TRIM24: variants seen among roughly 807,000 people sequenced by gnomAD.
The protein encoded by TRIM24 is transcription intermediary factor 1-alpha.
In TRIM24, 29 loss-of-function variants were observed where a neutral mutation model predicts 123.9. The ratio of observed to expected loss-of-function variants is 0.23; its 90% CI spans 0.17 to 0.32. The LOEUF is 0.32. TRIM24 is among the 10% of genes least tolerant of loss of function. The pLI, the probability that TRIM24 is intolerant of heterozygous loss-of-function variation, is 1.00. For synonymous variants in TRIM24, 456 were observed against 461.1 expected (o/e 0.99, Z 0.14); for missense variants, 932 against 1,295.3 (o/e 0.72, Z 4.31).
chr7:138,548,968 AG>A lies in TRIM24; in HGVS notation c.1144-2093del, dbSNP rs570229396. Reference sequence around the variant, plus strand: ...TGCTTTTTCTGAGACTATCTCTTGAAGGACTTGGCTGAGGCGGTCACTTTTT... The same window carrying A: ...TGCTTTTTCTGAGACTATCTCTTGAAGACTTGGCTGAGGCGGTCACTTTTT... On this transcript the variant is annotated intron_variant, in intron 7 of 18. Coordinates refer to ENST00000343526, the MANE Select transcript of TRIM24 (RefSeq NM_015905.3). Among the ~76,000 whole-genome samples the A allele has an allele frequency of 7.7e-3, 1,168 of 152,318 alleles. 15 individuals are homozygous for A. The highest frequency in any genetic ancestry group is 0.027 in the African/African-American group (1,120 of 41,572).
At chr7:138,505,509 G>GGTGGTT (rs1554436147) in intron 2 of TRIM24, among the ~76,000 whole-genome samples, 3 of 143,820 alleles carry the variant, frequency 2.1e-5, no homozygotes, top group Non-Finnish European at 4.5e-5. Context: ...TGGGGGTGGT[G>GGTGGTT]GTTGTTGTTG....
At chr7:138,491,232 G>A (rs1795773677) in intron 1 of TRIM24, 1 of 240,518 alleles carries the variant, frequency 4.2e-6, no homozygotes, top group African/African-American at 2.3e-5. Context: ...TTGGTGATTA[G>A]TGTCTTTCTG....
At chr7:138,571,765 C>T (rs12532696) in intron 11 of TRIM24, among the ~76,000 whole-genome samples, 1,700 of 152,184 alleles carry the variant, frequency 0.011, 35 homozygotes, top group Admixed American at 0.041. Context: ...ATGGGGGAGA[C>T]GCCCTATGTT....
chr7:138,551,046 T>G lies in TRIM24; in HGVS notation c.1144-17T>G. 6.2e-7 allele frequency: 1 copy of G among 1,602,918 alleles called. No individual in the cohort carries two copies. Among genetic ancestry groups the G allele is most frequent in the Non-Finnish European group, 8.5e-7 (1 of 1,171,038 alleles). ...ATTATTTGCCTAATATTTAGTTATCTCTCCTTTTTCTTCTAGATTACATAC... is the reference window on the plus strand; with the variant it reads ...ATTATTTGCCTAATATTTAGTTATCGCTCCTTTTTCTTCTAGATTACATAC... On this transcript the variant is annotated splice_polypyrimidine_tract_variant and intron_variant, in intron 7 of 18. Coordinates refer to ENST00000343526, the MANE Select transcript of TRIM24 (RefSeq NM_015905.3).
chr7:138,560,915 G>T (rs1797413463), intron 9 of TRIM24, among the ~76,000 whole-genome samples: 1 of 152,042 alleles, frequency 6.6e-6, no homozygotes, highest in Admixed American at 6.5e-5. Context: ...GTTTCCTTTG[G>T]CCTCTAGTGT....
At position 138,460,931 on chromosome 7, in the gene TRIM24, C is replaced by T. The variant is rs1431532396; in HGVS notation, c.364+19C>T. ...ACCCAAGGTGAGAACCGGCCGCGGC[C>T]GCTGGGGAGCCCGGGGAGAGGGCCA... is the stretch of plus-strand genomic sequence containing the variant. On this transcript the variant is annotated intron_variant, in intron 1 of 18. Coordinates refer to ENST00000343526, the MANE Select transcript of TRIM24 (RefSeq NM_015905.3). The T allele has an allele frequency of 1.6e-5, 23 of 1,419,494 alleles. No homozygotes were observed. The highest frequency in any genetic ancestry group is 2.1e-5 in the Non-Finnish European group (23 of 1,095,942). The allele number at this position is 1,419,494 out of a possible 1,614,324, so 87.9% of individuals were successfully genotyped here.
chr7:138,568,610 C>T (rs1334473761), intron 10 of TRIM24, among the ~76,000 whole-genome samples: 1 of 151,868 alleles, frequency 6.6e-6, no homozygotes, highest in Non-Finnish European at 1.5e-5. Context: ...TAGTCTCGAA[C>T]TCCTGGCCTC....
At chr7:138,578,843 G>C (rs925763442) in intron 14 of TRIM24, among the ~76,000 whole-genome samples, 1 of 151,970 alleles carries the variant, frequency 6.6e-6, no homozygotes, top group Non-Finnish European at 1.5e-5. Flanking sequence ...TCACCATCCT[G>C]GGCTTCAACA....
At chr7:138,504,447 C>CTTT (rs750956455) in intron 2 of TRIM24, 39 bp downstream of exon 2, 2,595 of 154,404 alleles carry the variant, frequency 0.017, 126 homozygotes, top group Admixed American at 0.027. Flanking sequence ...CCTGCCAGCT[C>CTTT]TTTTTTTTTT....
intron 1 of TRIM24, among the ~76,000 whole-genome samples, chr7:138,482,653 G>T (rs1163145302): frequency 6.6e-6 from 1 of 152,166 alleles, no homozygotes; most frequent in Non-Finnish European, 1.5e-5. Context: ...TTCTCTTAAA[G>T]TTTTTCTAGG....
At chr7:138,520,037 T>C (rs978074432) in intron 4 of TRIM24, among the ~76,000 whole-genome samples, 54 of 152,198 alleles carry the variant, frequency 3.5e-4, no homozygotes, top group African/African-American at 1.1e-3. Flanking sequence ...ATACAGAAAT[T>C]GTCTATATGA....
chr7:138,466,719 G>T (rs1795150032), intron 1 of TRIM24, among the ~76,000 whole-genome samples: 4 of 151,948 alleles, frequency 2.6e-5, no homozygotes, highest in Admixed American at 2.0e-4. Context: ...TCCTTTGTCA[G>T]ATACATGTAT....
At chr7:138,492,851 G>GT (rs773936460) in intron 1 of TRIM24, among the ~76,000 whole-genome samples, 2 of 152,166 alleles carry the variant, frequency 1.3e-5, no homozygotes, top group East Asian at 1.9e-4. Flanking sequence ...TATTCCATAT[G>GT]TTTTTTGCCT....
intron 1 of TRIM24, among the ~76,000 whole-genome samples, chr7:138,489,394 T>A (rs940799543): frequency 1.3e-5 from 2 of 152,192 alleles, no homozygotes; most frequent in Admixed American, 1.3e-4. Context: ...GTCATTATGA[T>A]GTTAGCCGGT....
chr7:138,497,307 A>G (rs1316821973), intron 1 of TRIM24, among the ~76,000 whole-genome samples: 1 of 150,804 alleles, frequency 6.6e-6, no homozygotes, highest in Non-Finnish European at 1.5e-5. Context: ...GGCTCAAGCA[A>G]TCCTCCCATC....
intron 1 of TRIM24, among the ~76,000 whole-genome samples, chr7:138,481,370 G>A (rs1325234887): frequency 5.9e-5 from 9 of 152,130 alleles, no homozygotes; most frequent in Non-Finnish European, 1.0e-4. Context: ...ACAAGTATGC[G>A]CCACCGTGTC....
At chr7:138,523,421 G>A (rs770566001) in intron 4 of TRIM24, among the ~76,000 whole-genome samples, 7 of 152,132 alleles carry the variant, frequency 4.6e-5, no homozygotes, top group Non-Finnish European at 8.8e-5. Context: ...AATTACACAT[G>A]CAAATGACAC....
chr7:138,574,264 G>T (rs1426496492), intron 12 of TRIM24, among the ~76,000 whole-genome samples: 2 of 152,176 alleles, frequency 1.3e-5, no homozygotes, highest in African/African-American at 4.8e-5. Flanking sequence ...GTGTTTAATT[G>T]TGTTTGTGAA....
At chr7:138,580,854 ACTTT>A (rs1382481999) in intron 16 of TRIM24, among the ~76,000 whole-genome samples, 160 bp downstream of exon 16, 2 of 152,202 alleles carry the variant, frequency 1.3e-5, no homozygotes, top group African/African-American at 4.8e-5. Flanking sequence ...AAAGACTGTA[ACTTT>A]CTTTAAATTA....
Sources: gnomAD v4.1 joint callset for allele counts (sites outside exome capture counted in the v4.1 genomes callset) on GRCh38, gnomAD v4.1.1 for gene constraint, MANE v1.5 for transcripts, NCBI Gene and HGNC (gene_info 2026-07-23, HGNC 2026-07-21) for gene names.